CCDC191: variants seen among roughly 807,000 people sequenced by gnomAD.
The protein encoded by CCDC191 is coiled-coil domain containing 191, also known as coiled-coil domain-containing protein 191.
In CCDC191, 99 loss-of-function variants were observed where a neutral mutation model predicts 114.0. That is an observed-to-expected ratio of 0.87 (90% confidence interval 0.74 to 1.03). The LOEUF is 1.03. CCDC191 is among the 50% of genes least tolerant of loss of function. The pLI is 0.00. For synonymous variants in CCDC191, 351 were observed against 376.0 expected (o/e 0.93, Z 0.77); for missense variants, 973 against 1,087.0 (o/e 0.90, Z 1.47).
At chr3:114,041,691 T>C (rs74778325) in intron 4 of CCDC191, among the ~76,000 whole-genome samples, 2,585 of 152,284 alleles carry the variant, frequency 0.017, 62 homozygotes, top group East Asian at 0.08. Context: ...GCTGGGGATT[T>C]TGCAGAGTCC....
intron 16 of CCDC191, among the ~76,000 whole-genome samples, chr3:113,971,720 GTTTT>G (rs201535286): frequency 6.6e-6 from 1 of 151,106 alleles, no homozygotes; most frequent in East Asian, 1.9e-4. Flanking sequence ...CTCCTCTTCA[GTTTT>G]TTTTTGAAGA....
intron 8 of CCDC191, among the ~76,000 whole-genome samples, chr3:114,015,079 C>T (rs2076136698): frequency 6.6e-6 from 1 of 152,080 alleles, no homozygotes; most frequent in Admixed American, 6.6e-5. Flanking sequence ...CAGTTTTTTT[C>T]ACTGGCCTGC....
At chr3:114,045,308 C>T (rs900476166) in intron 3 of CCDC191, among the ~76,000 whole-genome samples, 1 of 152,112 alleles carries the variant, frequency 6.6e-6, no homozygotes, top group African/African-American at 2.4e-5. Context: ...CACCAACAGC[C>T]TCCCACTGGT....
At position 113,974,525 on chromosome 3, in the gene CCDC191, G is replaced by A. The variant is rs150940340; in HGVS notation, c.2606+3661C>T. 9.7e-4 allele frequency among the ~76,000 whole-genome samples: 146 copies of A among 150,700 alleles called. 1 individual carries two copies. The highest frequency in any genetic ancestry group is 3.5e-3 in the African/African-American group (143 of 41,412). On this transcript the variant is annotated intron_variant, in intron 16 of 16. Coordinates refer to ENST00000295878, the MANE Select transcript of CCDC191 (RefSeq NM_020817.2). The stretch of plus-strand genomic sequence containing the variant: ...AGTAGAGAGGGGGTTTCACCATGTT[G>A]GCCAGGCTGGTGTCGAATTCCTCAC...
At chr3:114,033,350 G>C (rs1205741445) in intron 6 of CCDC191, among the ~76,000 whole-genome samples, 2 of 152,122 alleles carry the variant, frequency 1.3e-5, no homozygotes, top group Non-Finnish European at 2.9e-5. Flanking sequence ...ATTTACGAAA[G>C]TCTGTTATTA....
Position 113,968,208 on chromosome 3 carries a change from A to G in CCDC191, c.2607-2849T>C, listed in dbSNP as rs142324543. On this transcript the variant is annotated intron_variant, in intron 16 of 16. Transcript: ENST00000295878. The stretch of plus-strand genomic sequence containing the variant: ...AATTTTAGTTTTTTCAGGAATCTCC[A>G]TTCTGTTCTCTATAATGGCTGTACT... 6.0e-3 allele frequency among the ~76,000 whole-genome samples: 906 copies of G among 152,172 alleles called. 9 individuals are homozygous for G. The highest frequency in any genetic ancestry group is 0.021 in the African/African-American group (862 of 41,506).
At position 114,010,926 on chromosome 3, in the gene CCDC191, C is replaced by T. The variant is rs772635141; in HGVS notation, c.1259G>A (p.Arg420Lys). The stretch of plus-strand genomic sequence containing the variant: ...TTCCTCTTTTGTGAGAGCCAGCTCT[C>T]TCTTCAGGAGCTCGGCGCCATGCCA... ...QHWHGAELLK[R>K]ELALTKEETR... Residue 420 changes from arginine (R) to lysine (K), a missense_variant, in exon 9 of 17, where the codon AGA (arginine) becomes AAA (lysine). Physicochemically the swap from Arg to Lys is conservative, Grantham distance 26. Coordinates refer to ENST00000295878, the MANE Select transcript of CCDC191 (RefSeq NM_020817.2). The T allele has an allele frequency of 1.2e-6, 2 of 1,614,086 alleles. No homozygotes were observed. Among genetic ancestry groups the T allele is most frequent in the Non-Finnish European group, 8.5e-7 (1 of 1,179,934 alleles).
intron 2 of CCDC191, among the ~76,000 whole-genome samples, chr3:114,051,218 C>T (rs2076694709): frequency 6.6e-6 from 1 of 152,178 alleles, no homozygotes; most frequent in South Asian, 2.1e-4. Flanking sequence ...TTTCATTCTC[C>T]CTACTCCTAT....
chr3:113,988,315 G>A lies in CCDC191; in HGVS notation c.2164-7522C>T, dbSNP rs367945700. On this transcript the variant is annotated intron_variant, in intron 13 of 16. Coordinates refer to ENST00000295878, the MANE Select transcript of CCDC191 (RefSeq NM_020817.2). ...TTGAGACCAGCCTGGTCAAGATGGT[G>A]AAACCCCATCTCTACTAAAAATACA... Among the ~76,000 whole-genome samples, 150 of 151,976 alleles carry A rather than the reference G, an allele frequency of 9.9e-4. 6 individuals are homozygous for A. In the East Asian group the frequency reaches 0.018, roughly 18 times the overall value.
rs766731660 is a variant in CCDC191 at position 114,053,355 on chromosome 3, T to C, written c.129+242A>G. On this transcript the variant is annotated intron_variant, in intron 2 of 16. Transcript: ENST00000295878. ...TTTAATCCTCTTCATGTGATACTCA[T>C]GGCATTTGAAACGAAGTCTACACAC... is the stretch of plus-strand genomic sequence containing the variant. Among the ~76,000 whole-genome samples the C allele has an allele frequency of 1.2e-4, 18 of 152,208 alleles. No individual in the cohort carries two copies. Among genetic ancestry groups the C allele is most frequent in the Non-Finnish European group, 2.5e-4 (17 of 68,042 alleles).
At chr3:114,013,329 A>G (rs185382177) in intron 8 of CCDC191, among the ~76,000 whole-genome samples, 22 of 152,342 alleles carry the variant, frequency 1.4e-4, no homozygotes, top group Non-Finnish European at 2.6e-4. Context: ...GAAAGGCAGA[A>G]GCACAGAAGC....
chr3:113,965,341 G>A lies in CCDC191; in HGVS notation c.2625C>T (p.Thr875=). 6.3e-7 allele frequency: 1 copy of A among 1,589,044 alleles called. No homozygotes were observed. The highest frequency in any genetic ancestry group is 8.5e-7 in the Non-Finnish European group (1 of 1,169,682). The change falls in exon 17 of 17, where the codon ACC becomes ACT. Residue 875 remains threonine (T), a synonymous_variant. Transcript: ENST00000295878. ...TTACAAACTTCTTCCATGTCCGAAGGGTGATCCAGAGGATCCTCCTTTAAG... is the reference window on the plus strand; with the variant it reads ...TTACAAACTTCTTCCATGTCCGAAGAGTGATCCAGAGGATCCTCCTTTAAG... ...EHSDRRILWI[T]LRTWKKFVKF...
At chr3:114,034,740 A>G (rs2076456793) in intron 6 of CCDC191, among the ~76,000 whole-genome samples, 185 bp downstream of exon 6, 1 of 152,186 alleles carries the variant, frequency 6.6e-6, no homozygotes, top group African/African-American at 2.4e-5. Context: ...TTAAGTATGG[A>G]AAGGGACCAC....
At chr3:113,975,447 C>G (rs1171724897) in intron 16 of CCDC191, among the ~76,000 whole-genome samples, 1 of 152,078 alleles carries the variant, frequency 6.6e-6, no homozygotes, top group Non-Finnish European at 1.5e-5. Context: ...GACTGGTGAC[C>G]TTAAATATTA....
In CCDC191 at chr3:114,005,687, A is replaced by G. The variant is rs1280105894; in HGVS notation, c.1689T>C (p.Ile563=). 1 of 1,613,966 alleles carries G rather than the reference A, an allele frequency of 6.2e-7. No individual in the cohort carries two copies. Among genetic ancestry groups the G allele is most frequent in the Non-Finnish European group, 8.5e-7 (1 of 1,180,008 alleles). The change falls in exon 10 of 17, where the codon ATT becomes ATC. Residue 563 remains isoleucine, a synonymous_variant. Transcript: ENST00000295878. ...HNRHVFQQQL[I]EKQKKKLQEQ... is the part of the protein sequence containing the mutation. ...CCTGAAGTTTCTTCTTTTGCTTCTC[A>G]ATCAGCTGTTGCTGGAAGACATGGC... is the stretch of plus-strand genomic sequence containing the variant.
At position 113,978,976 on chromosome 3, in the gene CCDC191, C is replaced by T. The variant is rs368014179; in HGVS notation, c.2342G>A (p.Arg781Lys). Residue 781 changes from arginine (R) to lysine (K), a missense_variant, in exon 15 of 17, where the codon AGG (arginine) becomes AAG (lysine). Physicochemically the swap from Arg to Lys is conservative, Grantham distance 26 (BLOSUM62 2). Transcript: ENST00000295878. ...AEEHYSLFLQRKYMLTWFQRS... is the reference protein window; with the variant it reads ...AEEHYSLFLQKKYMLTWFQRS... ...CTGGAACCACGTCAGCATGTATTTC[C>T]TCTGCAGGAACAAAGAGTAATGTTC... is the stretch of plus-strand genomic sequence containing the variant. 1.9e-6 allele frequency: 3 copies of T among 1,613,908 alleles called. No homozygotes were observed. The highest frequency in any genetic ancestry group is 2.5e-6 in the Non-Finnish European group (3 of 1,179,938).
At chr3:114,003,063 G>C (rs2075884466) in intron 11 of CCDC191, 2 of 985,230 alleles carry the variant, frequency 2.0e-6, no homozygotes, top group South Asian at 4.7e-5. Context: ...CTAGTTTTAA[G>C]GCCTGGATAT....
At chr3:114,054,008 C>T (rs2076732669) in intron 1 of CCDC191, 1 of 159,918 alleles carries the variant, frequency 6.3e-6, no homozygotes. Flanking sequence ...GATTAATTAG[C>T]CAGATTATCC....
intron 13 of CCDC191, among the ~76,000 whole-genome samples, chr3:113,986,574 A>G (rs1220134424): frequency 6.6e-6 from 1 of 152,192 alleles, no homozygotes; most frequent in Non-Finnish European, 1.5e-5. Context: ...TCTTGAAGGT[A>G]GCTAAAGGGA....
Sources: gnomAD v4.1 joint callset for allele counts (sites outside exome capture counted in the v4.1 genomes callset) on GRCh38, gnomAD v4.1.1 for gene constraint, MANE v1.5 for transcripts, NCBI Gene and HGNC (gene_info 2026-07-23, HGNC 2026-07-21) for gene names.